The following GPATCH2 variants were observed in gnomAD, a reference collection of about 807,000 sequenced individuals.
The protein encoded by GPATCH2 is G patch domain-containing protein 2.
A neutral mutation model predicts 58.0 loss-of-function variants in GPATCH2; 51 were observed. That is an observed-to-expected ratio of 0.88 (90% CI 0.70 to 1.11). The LOEUF (loss-of-function observed/expected upper bound fraction) is 1.11, where lower values mean the gene tolerates loss of function less well. GPATCH2 is among the 50% of genes most tolerant of loss of function. GPATCH2 has a pLI of 0.00. For synonymous variants in GPATCH2, 222 were observed against 218.5 expected, an observed-to-expected ratio of 1.02 and a Z score of -0.14; for missense variants, 625 against 652.2, an observed-to-expected ratio of 0.96 and a Z score of 0.45.
At chr1:217,605,305 C>T (rs377656403) in intron 5 of GPATCH2, among the ~76,000 whole-genome samples, 40 of 152,234 alleles carry the variant, frequency 2.6e-4, no homozygotes, top group East Asian at 2.5e-3. Flanking sequence ...ATAGTGAATG[C>T]AAACAGTATG....
chr1:217,509,665 CT>C (rs1662741602), intron 6 of GPATCH2, among the ~76,000 whole-genome samples: 1 of 152,044 alleles, frequency 6.6e-6, no homozygotes, highest in South Asian at 2.1e-4. Flanking sequence ...CAGTTGGTGC[CT>C]TCTGAATGCT....
intron 5 of GPATCH2, among the ~76,000 whole-genome samples, chr1:217,580,211 T>C (rs1667002351): frequency 6.6e-6 from 1 of 152,188 alleles, no homozygotes; most frequent in Non-Finnish European, 1.5e-5. Flanking sequence ...TAACTTGGTA[T>C]ACCACACCAT....
At chr1:217,437,055 T>G (rs1658869331) in intron 9 of GPATCH2, among the ~76,000 whole-genome samples, 1 of 151,956 alleles carries the variant, frequency 6.6e-6, no homozygotes, top group Non-Finnish European at 1.5e-5. Context: ...TGGGACTGGT[T>G]AGACAGTGGA....
At chr1:217,545,469 T>C (rs764762654) in intron 5 of GPATCH2, among the ~76,000 whole-genome samples, 46 of 152,234 alleles carry the variant, frequency 3.0e-4, no homozygotes, top group Non-Finnish European at 5.7e-4. Flanking sequence ...TGCATACTTA[T>C]TACTTTTCTC....
At chr1:217,583,512 A>C (rs1667173103) in intron 5 of GPATCH2, among the ~76,000 whole-genome samples, 1 of 148,086 alleles carries the variant, frequency 6.8e-6, no homozygotes, top group African/African-American at 2.5e-5. Flanking sequence ...CAGAGGTTGC[A>C]GTGAGCCAAG....
intron 8 of GPATCH2, among the ~76,000 whole-genome samples, chr1:217,478,693 TA>T (rs1375700100): frequency 6.6e-6 from 1 of 150,638 alleles, no homozygotes; most frequent in Non-Finnish European, 1.5e-5. Context: ...ATGAAAGAGA[TA>T]GGGGTAGAAA....
At chr1:217,525,656 G>A (rs866707482) in intron 5 of GPATCH2, among the ~76,000 whole-genome samples, 3 of 152,058 alleles carry the variant, frequency 2.0e-5, no homozygotes, top group African/African-American at 7.2e-5. Context: ...TTCATTCCTA[G>A]GGAGAATTAT....
chr1:217,570,047 G>A (rs1425641238), intron 5 of GPATCH2, among the ~76,000 whole-genome samples: 2 of 152,062 alleles, frequency 1.3e-5, no homozygotes, highest in South Asian at 2.1e-4. Context: ...ATCAGTAAAT[G>A]TATGGGTAAC....
intron 8 of GPATCH2, among the ~76,000 whole-genome samples, chr1:217,454,662 A>G (rs147400276): frequency 0.016 from 2,185 of 137,110 alleles, 53 homozygotes; most frequent in African/African-American, 0.056. Context: ...ACTGTACCCC[A>G]GTTTGGAGTG....
intron 9 of GPATCH2, among the ~76,000 whole-genome samples, chr1:217,432,789 G>A (rs2102521522): frequency 6.6e-6 from 1 of 152,250 alleles, no homozygotes; most frequent in Admixed American, 6.5e-5. Context: ...AAGAACCTTT[G>A]TCTTAGTGAG....
intron 5 of GPATCH2, among the ~76,000 whole-genome samples, chr1:217,521,999 G>A (rs938616859): frequency 3.3e-5 from 5 of 152,086 alleles, no homozygotes; most frequent in Non-Finnish European, 5.9e-5. Flanking sequence ...AGTAAGAGCA[G>A]CAAATATATT....
intron 8 of GPATCH2, among the ~76,000 whole-genome samples, chr1:217,475,173 T>C (rs993158243): frequency 1.3e-5 from 2 of 152,190 alleles, no homozygotes; most frequent in African/African-American, 4.8e-5. Flanking sequence ...GCGCGGTGGC[T>C]CATGCTTGCA....
In GPATCH2 at chr1:217,430,943, T is replaced by A; in HGVS notation, c.*202A>T. 1.7e-6 allele frequency: 1 copy of A among 587,816 alleles called. No individual in the cohort carries two copies. The highest frequency in any genetic ancestry group is 2.1e-5 in the South Asian group (1 of 47,014). The allele number at this position is 587,816 out of a possible 1,614,324, so 36.4% of individuals were successfully genotyped here. On this transcript the variant is annotated 3_prime_UTR_variant, in exon 10 of 10. Transcript: ENST00000366935. ...TGGAAATTACTGAAAAAAATTAAAG[T>A]GCAGAGGTTTTCATTTTAGCACCAT...
Position 217,432,747 on chromosome 1 carries a change from G to GA in GPATCH2, c.1367-1383dup, listed in dbSNP as rs202146162. 3.7e-3 allele frequency among the ~76,000 whole-genome samples: 557 copies of GA among 150,708 alleles called. 2 individuals carry two copies. The highest frequency in any genetic ancestry group is 0.011 in the East Asian group (59 of 5,162). On this transcript the variant is annotated intron_variant, in intron 9 of 9. Coordinates refer to ENST00000366935, the MANE Select transcript of GPATCH2 (RefSeq NM_018040.5). ...GACAAACTAATATTGCAGTCTTTGAGAAAAAAAAAGAGAGATGAAAGTCTA... is the reference window on the plus strand; with the variant it reads ...GACAAACTAATATTGCAGTCTTTGAGAAAAAAAAAAGAGAGATGAAAGTCTA...
intron 5 of GPATCH2, among the ~76,000 whole-genome samples, chr1:217,543,183 AGTAGTGGCTATAT>A (rs1664840513): frequency 6.6e-6 from 1 of 151,624 alleles, no homozygotes; most frequent in African/African-American, 2.4e-5. Flanking sequence ...TTTAGTACAG[AGTAGTGGCTATAT>A]GTGTTGGCTC....
chr1:217,517,794 T>C (rs185130501), intron 5 of GPATCH2, among the ~76,000 whole-genome samples: 1 of 152,220 alleles, frequency 6.6e-6, no homozygotes, highest in African/African-American at 2.4e-5. Context: ...TTTTAAGAAG[T>C]TGTTTCACTT....
At chr1:217,545,059 G>C (rs546030735) in intron 5 of GPATCH2, among the ~76,000 whole-genome samples, 2 of 152,234 alleles carry the variant, frequency 1.3e-5, no homozygotes, top group South Asian at 2.1e-4. Context: ...TGGCAGACAG[G>C]TTTTAGGTCC....
intron 7 of GPATCH2, among the ~76,000 whole-genome samples, chr1:217,493,926 CAAAG>C (rs1433457059): frequency 2.0e-5 from 3 of 150,990 alleles, no homozygotes; most frequent in South Asian, 2.1e-4. Flanking sequence ...ACAGTTCAAA[CAAAG>C]AACTCAAAAT....
chr1:217,473,448 G>A (rs995475449), intron 8 of GPATCH2, among the ~76,000 whole-genome samples: 4 of 151,962 alleles, frequency 2.6e-5, no homozygotes, highest in Non-Finnish European at 4.4e-5. Context: ...ATGCCTTTAT[G>A]TATTTATTTA....
Sources: allele counts gnomAD v4.1 joint callset (sites outside exome capture counted in the v4.1 genomes callset), GRCh38; gene constraint gnomAD v4.1.1; transcripts MANE v1.5; gene names NCBI Gene and HGNC (gene_info 2026-07-23, HGNC 2026-07-21).